Variants in TENM3 observed in about 807,000 individuals in gnomAD.
TENM3 encodes the protein teneurin-3.
Under a neutral mutation model 255.1 loss-of-function variants are expected in TENM3, and 63 were observed. The ratio of observed to expected loss-of-function variants is 0.25; its 90% confidence interval spans 0.20 to 0.30. TENM3 has a LOEUF of 0.30. Ranked by LOEUF, TENM3 falls within the 10% of genes least tolerant of loss-of-function variation. The probability of loss-of-function intolerance (pLI) is 1.00; values close to 1 mark genes in which losing one functional copy is unlikely to be tolerated. For synonymous variants in TENM3, 1,306 were observed against 1,322.3 expected (o/e 0.99, Z 0.27); for missense variants, 2,929 against 3,461.1 (o/e 0.85, Z 3.86).
the TENM3 span, among the ~76,000 whole-genome samples, chr4:182,014,719 C>T: frequency 1.3e-5 from 2 of 152,056 alleles, no homozygotes; most frequent in African/African-American, 2.4e-5. Context: ...ACTGGGGAAG[C>T]GTTTAGCCTC....
the TENM3 span, among the ~76,000 whole-genome samples, chr4:182,048,597 G>A: frequency 6.6e-6 from 1 of 152,160 alleles, no homozygotes; most frequent in East Asian, 1.9e-4. Flanking sequence ...CAATCGAATA[G>A]CATGTTCAGG....
the TENM3 span, among the ~76,000 whole-genome samples, chr4:182,019,551 T>C: frequency 6.6e-6 from 1 of 152,192 alleles, no homozygotes; most frequent in Non-Finnish European, 1.5e-5. Flanking sequence ...AGTTCTGTTA[T>C]GAAAAAGTAA....
At chr4:181,762,090 G>C in the TENM3 span, among the ~76,000 whole-genome samples, 1 of 152,126 alleles carries the variant, frequency 6.6e-6, no homozygotes. Context: ...CAATATCATA[G>C]CTATTAGGAA....
chr4:181,564,150 C>G, the TENM3 span, among the ~76,000 whole-genome samples: 1,360 of 150,266 alleles, frequency 9.1e-3, 10 homozygotes, highest in Middle Eastern at 0.046. Context: ...AAGTGATTCT[C>G]CTGCCTCAGT....
the TENM3 span, among the ~76,000 whole-genome samples, chr4:182,062,500 G>A: frequency 6.6e-6 from 1 of 152,192 alleles, no homozygotes; most frequent in African/African-American, 2.4e-5. Flanking sequence ...ATCTATGCAT[G>A]GTATTACTTT....
At chr4:182,533,279 G>A (rs1007468226) in intron 3 of TENM3, among the ~76,000 whole-genome samples, 9 of 152,102 alleles carry the variant, frequency 5.9e-5, no homozygotes, top group South Asian at 2.1e-4. Context: ...TGCTGGGCAC[G>A]GTGGCTCATG....
At chr4:182,264,741 T>A (rs2150183560) in intron 1 of TENM3, among the ~76,000 whole-genome samples, 1 of 152,336 alleles carries the variant, frequency 6.6e-6, no homozygotes, top group African/African-American at 2.4e-5. Flanking sequence ...TTGGTAAAGT[T>A]CAGAAACTAA....
chr4:182,081,332 T>A, the TENM3 span, among the ~76,000 whole-genome samples: 2 of 151,996 alleles, frequency 1.3e-5, no homozygotes, highest in African/African-American at 4.8e-5. Flanking sequence ...ACACCTGTAA[T>A]CCCAGCACTT....
chr4:182,669,768 G>A (rs1226690152), intron 6 of TENM3, among the ~76,000 whole-genome samples: 1 of 152,042 alleles, frequency 6.6e-6, no homozygotes, highest in Non-Finnish European at 1.5e-5. Context: ...ATTTTATTGA[G>A]GATTATATAC....
the TENM3 span, among the ~76,000 whole-genome samples, chr4:181,740,281 CAG>C: frequency 6.6e-6 from 1 of 151,964 alleles, no homozygotes; most frequent in Non-Finnish European, 1.5e-5. Context: ...AAGTTAATGA[CAG>C]ATATTTTTGA....
At chr4:182,124,918 C>T in the TENM3 span, among the ~76,000 whole-genome samples, 6 of 151,066 alleles carry the variant, frequency 4.0e-5, no homozygotes, top group East Asian at 7.8e-4. Flanking sequence ...CATTGCCCAG[C>T]GCATCCACGC....
chr4:181,709,755 A>T, the TENM3 span, among the ~76,000 whole-genome samples: 2 of 152,238 alleles, frequency 1.3e-5, no homozygotes, highest in African/African-American at 4.8e-5. Flanking sequence ...GGGAGTCGAG[A>T]CATTAGCGCA....
At chr4:181,546,276 G>C in the TENM3 span, among the ~76,000 whole-genome samples, 1 of 152,058 alleles carries the variant, frequency 6.6e-6, no homozygotes, top group Non-Finnish European at 1.5e-5. Context: ...CCATTGATTA[G>C]TCCAAAATCT....
At chr4:181,899,018 T>A in the TENM3 span, among the ~76,000 whole-genome samples, 1 of 152,180 alleles carries the variant, frequency 6.6e-6, no homozygotes, top group East Asian at 1.9e-4. Flanking sequence ...AATTTTACAT[T>A]ACCATATTAT....
chr4:182,335,434 G>A (rs1270754218), intron 2 of TENM3, among the ~76,000 whole-genome samples: 1 of 130,954 alleles, frequency 7.6e-6, no homozygotes, highest in Admixed American at 8.0e-5. Flanking sequence ...GGCGGAGCTT[G>A]CAGTGAGCCG....
At chr4:182,656,880 C>T (rs1489123712) in intron 6 of TENM3, among the ~76,000 whole-genome samples, 1 of 152,118 alleles carries the variant, frequency 6.6e-6, no homozygotes, top group Non-Finnish European at 1.5e-5. Flanking sequence ...CTGTTATATG[C>T]CATCATCCTT....
At chr4:181,891,286 A>G in the TENM3 span, among the ~76,000 whole-genome samples, 2 of 152,188 alleles carry the variant, frequency 1.3e-5, no homozygotes, top group African/African-American at 2.4e-5. Context: ...CATCTAAAAC[A>G]TAAATTGAAA....
intron 1 of TENM3, among the ~76,000 whole-genome samples, chr4:182,305,440 G>C (rs1762079243): frequency 6.6e-6 from 1 of 152,146 alleles, no homozygotes; most frequent in Non-Finnish European, 1.5e-5. Flanking sequence ...TGAATACTGT[G>C]CTGGAGGATT....
chr4:182,485,868 GT>G (rs1304008889), intron 3 of TENM3, among the ~76,000 whole-genome samples: 28 of 152,224 alleles, frequency 1.8e-4, no homozygotes, highest in Middle Eastern at 3.4e-3. Flanking sequence ...TATGACACTG[GT>G]TTTATACAGT....
Sources: allele counts gnomAD v4.1 joint callset (sites outside exome capture counted in the v4.1 genomes callset), GRCh38; gene constraint gnomAD v4.1.1; transcripts MANE v1.5; gene names NCBI Gene and HGNC (gene_info 2026-07-23, HGNC 2026-07-21).